The following WDR64 variants were observed in gnomAD, a reference collection of about 807,000 sequenced individuals.
The protein encoded by WDR64 is WD repeat-containing protein 64.
WDR64 carries 112 observed loss-of-function variants against 139.3 expected under a neutral mutation model. The ratio of observed to expected loss-of-function variants is 0.80; its 90% CI spans 0.69 to 0.94. The LOEUF is 0.94. Among genes scored for constraint, WDR64 ranks in the 40% least tolerant of loss-of-function variants. WDR64 has a pLI of 0.00. For synonymous variants in WDR64, 444 were observed against 437.7 expected (o/e 1.01, Z -0.18); for missense variants, 1,206 against 1,293.1 (o/e 0.93, Z 1.03).
At position 241,780,030 on chromosome 1, in the gene WDR64, A is replaced by G. The variant is rs1438344047; in HGVS notation, c.2563A>G (p.Ser855Gly). The G allele has an allele frequency of 4.4e-6, 7 of 1,587,672 alleles. No homozygotes were observed. Among genetic ancestry groups the G allele is most frequent in the South Asian group, 1.2e-5 (1 of 85,832 alleles). The change falls in exon 22 of 28, where the codon AGC becomes GGC. Residue 855 changes from serine to glycine, a missense_variant. Coordinates refer to ENST00000437684, the MANE Select transcript of WDR64 (RefSeq NM_001367482.1). ...AGGACATGTTATCCTTTGCAATATT[A>G]GCTCTTTCCTGGATCCACCTCATGA... The part of the protein sequence containing the change: ...VEGHVILCNI[S>G]SFLDPPHDEK...
chr1:241,662,839 C>G (rs1665883174), intron 2 of WDR64, among the ~76,000 whole-genome samples: 1 of 152,118 alleles, frequency 6.6e-6, no homozygotes, highest in Non-Finnish European at 1.5e-5. Context: ...CTATTCACCA[C>G]TAATCTTCGA....
chr1:241,741,126 A>G (rs1463312873), intron 11 of WDR64, among the ~76,000 whole-genome samples: 2 of 152,222 alleles, frequency 1.3e-5, no homozygotes, highest in Admixed American at 6.5e-5. Flanking sequence ...GAGGAGGCTA[A>G]CCTTCAGCAG....
intron 14 of WDR64, among the ~76,000 whole-genome samples, chr1:241,756,042 C>T (rs1036187949): frequency 9.2e-5 from 14 of 152,042 alleles, no homozygotes; most frequent in African/African-American, 2.9e-4. Context: ...CATGGCTATA[C>T]GGGCTCTTTT....
intron 15 of WDR64, 46 bp downstream of exon 15, chr1:241,757,505 T>C (rs1270716380): frequency 1.3e-6 from 2 of 1,540,956 alleles, no homozygotes; most frequent in South Asian, 1.2e-5. Flanking sequence ...CTTTTTGTTA[T>C]GGAAATTTAC....
intron 22 of WDR64, among the ~76,000 whole-genome samples, chr1:241,780,400 A>G (rs1352016172): frequency 1.3e-5 from 2 of 152,208 alleles, no homozygotes; most frequent in Non-Finnish European, 2.9e-5. Context: ...CTTATCCTTT[A>G]TAAGATATTC....
At chr1:241,766,565 G>T (rs1009947463) in intron 16 of WDR64, among the ~76,000 whole-genome samples, 3 of 152,232 alleles carry the variant, frequency 2.0e-5, no homozygotes, top group Admixed American at 2.0e-4. Flanking sequence ...GCAGGGCGCA[G>T]TGGCGCCTGC....
intron 15 of WDR64, among the ~76,000 whole-genome samples, chr1:241,761,279 C>T (rs1657883882): frequency 6.6e-6 from 1 of 151,974 alleles, no homozygotes; most frequent in Non-Finnish European, 1.5e-5. Context: ...ATTGAAAAAT[C>T]TAGTTAAAAT....
At chr1:241,733,668 T>C (rs1408846613) in intron 10 of WDR64, among the ~76,000 whole-genome samples, 2 of 150,612 alleles carry the variant, frequency 1.3e-5, no homozygotes, top group Non-Finnish European at 1.5e-5. Context: ...TATATGTATA[T>C]AATATTTAAT....
At chr1:241,659,980 T>A (rs1254233310) in intron 1 of WDR64, among the ~76,000 whole-genome samples, 2 of 152,200 alleles carry the variant, frequency 1.3e-5, no homozygotes, top group Admixed American at 6.5e-5. Flanking sequence ...GAAATCTTTG[T>A]CTGTGACTCT....
At chr1:241,775,034 A>T (rs1658600260) in intron 20 of WDR64, 71 bp from the exon 21 acceptor site, 3 of 1,203,790 alleles carry the variant, frequency 2.5e-6, no homozygotes, top group Middle Eastern at 1.9e-4. Context: ...TAGAAAAATC[A>T]ATTTCAATAT....
intron 14 of WDR64, among the ~76,000 whole-genome samples, chr1:241,751,037 A>C (rs1427522596): frequency 6.6e-6 from 1 of 152,202 alleles, no homozygotes; most frequent in African/African-American, 2.4e-5. Flanking sequence ...TTGAAATAAA[A>C]TAATTTGATT....
chr1:241,728,664 C>T (rs1668949817), intron 10 of WDR64, among the ~76,000 whole-genome samples: 1 of 151,990 alleles, frequency 6.6e-6, no homozygotes, highest in Non-Finnish European at 1.5e-5. Flanking sequence ...ACAGATGTGC[C>T]ACATCTATTA....
intron 12 of WDR64, among the ~76,000 whole-genome samples, 193 bp downstream of exon 12, chr1:241,741,857 C>T (rs1669559358): frequency 6.6e-6 from 1 of 152,188 alleles, no homozygotes; most frequent in Admixed American, 6.5e-5. Context: ...GACTGCTTGC[C>T]ATCAACCCAC....
chr1:241,713,237 G>A (rs1162116585), intron 9 of WDR64, among the ~76,000 whole-genome samples: 4 of 151,298 alleles, frequency 2.6e-5, no homozygotes, highest in Non-Finnish European at 5.9e-5. Context: ...CTGGAACCCA[G>A]GATGTTGAGG....
At chr1:241,694,035 T>C (rs1434044920) in intron 8 of WDR64, among the ~76,000 whole-genome samples, 1 of 152,066 alleles carries the variant, frequency 6.6e-6, no homozygotes, top group Non-Finnish European at 1.5e-5. Flanking sequence ...GGAAAAATGG[T>C]GAGTAGCCTG....
At chr1:241,666,272 A>T (rs1158359941) in intron 2 of WDR64, among the ~76,000 whole-genome samples, 1 of 152,228 alleles carries the variant, frequency 6.6e-6, no homozygotes, top group Non-Finnish European at 1.5e-5. Context: ...TCATCACAGG[A>T]GAAACGGGTA....
intron 10 of WDR64, among the ~76,000 whole-genome samples, chr1:241,726,825 T>A (rs1022509592): frequency 6.6e-6 from 1 of 152,140 alleles, no homozygotes; most frequent in Non-Finnish European, 1.5e-5. Context: ...ATGGATGGAT[T>A]TTTTTCTTTT....
chr1:241,683,615 A>C lies in WDR64; in HGVS notation c.753A>C (p.Thr251=), dbSNP rs1195721670. The change falls in exon 7 of 28, where the codon ACA becomes ACC. Residue 251 remains threonine, a synonymous_variant. Transcript: ENST00000437684. ...GDDGGFVNRF[T]VNSDDFGIKQ... is the part of the protein sequence containing the mutation. ...ATGGGGGTTTTGTGAACAGATTCAC[A>C]GTCAACAGTGATGACTTTGGAATAA... 6.4e-7 allele frequency: 1 copy of C among 1,551,696 alleles called. No homozygotes were observed. The highest frequency in any genetic ancestry group is 8.7e-7 in the Non-Finnish European group (1 of 1,146,984).
chr1:241,796,492 C>CTTT (rs5782206), intron 27 of WDR64, 122 bp downstream of exon 27: 12 of 502,348 alleles, frequency 2.4e-5, no homozygotes, highest in South Asian at 6.5e-5. Flanking sequence ...TCAGTTCATA[C>CTTT]TTTTTTTTTT....
Sources: allele counts gnomAD v4.1 joint callset (sites outside exome capture counted in the v4.1 genomes callset), GRCh38; gene constraint gnomAD v4.1.1; transcripts MANE v1.5; gene names NCBI Gene and HGNC (gene_info 2026-07-23, HGNC 2026-07-21).